Variants in NCKAP5 observed in about 807,000 individuals in gnomAD.
NCKAP5 encodes the protein nck-associated protein 5.
A neutral mutation model predicts 167.0 loss-of-function variants in NCKAP5; 92 were observed. The ratio of observed to expected loss-of-function variants is 0.55; its 90% CI spans 0.47 to 0.66. NCKAP5 has a LOEUF of 0.66. NCKAP5 is among the 30% of genes least tolerant of loss of function. The pLI, the probability that NCKAP5 is intolerant of heterozygous loss-of-function variation, is 0.00. For synonymous variants in NCKAP5, 891 were observed against 877.4 expected (o/e 1.02, Z -0.27); for missense variants, 2,378 against 2,315.0 (o/e 1.03, Z -0.56).
At chr2:133,636,672 C>G in the NCKAP5 span, among the ~76,000 whole-genome samples, 1 of 152,080 alleles carries the variant, frequency 6.6e-6, no homozygotes, top group Non-Finnish European at 1.5e-5. Flanking sequence ...AAGAGCCAAA[C>G]AACAAAACAA....
intron 3 of NCKAP5, among the ~76,000 whole-genome samples, chr2:133,421,874 C>T (rs1408965193): frequency 1.3e-5 from 2 of 152,196 alleles, no homozygotes; most frequent in East Asian, 3.8e-4. Flanking sequence ...CACTAAATCC[C>T]ACCCAGTGAT....
intron 4 of NCKAP5, among the ~76,000 whole-genome samples, chr2:133,222,162 CA>C (rs925788572): frequency 3.3e-5 from 5 of 151,836 alleles, no homozygotes; most frequent in African/African-American, 9.7e-5. Flanking sequence ...TTACACTCTG[CA>C]AAAAAATTAC....
chr2:132,783,251 T>G lies in NCKAP5; in HGVS notation c.3560A>C (p.Lys1187Thr). 2 of 1,614,006 alleles carry G rather than the reference T, an allele frequency of 1.2e-6. No individual in the cohort carries two copies. The highest frequency in any genetic ancestry group is 1.7e-6 in the Non-Finnish European group (2 of 1,179,902). ...EASKSSVAVN[K>T]SKPEDSKNPA... ...ATTCTTGGAGTCCTCTGGCTTAGAC[T>G]TGTTCACAGCCACGGAACTTTTGGA... The change falls in exon 14 of 20, where the codon AAG (lysine) becomes ACG (threonine). Residue 1187 changes from lysine to threonine, a missense_variant. Around this residue, in one of 3 missense-constraint regions of NCKAP5, gnomAD observed 1,325 missense variants for 1,274.5 expected, o/e 1.04. Coordinates refer to ENST00000409261, the MANE Select transcript of NCKAP5 (RefSeq NM_207363.3).
At chr2:133,123,821 C>CT (rs1559162488) in intron 6 of NCKAP5, 2 of 471,028 alleles carry the variant, frequency 4.2e-6, no homozygotes, top group Non-Finnish European at 8.8e-6. Context: ...AGAAAATGTT[C>CT]TTTTAATGTA....
intron 2 of NCKAP5, among the ~76,000 whole-genome samples, chr2:133,541,266 T>C (rs970493774): frequency 3.6e-5 from 5 of 138,540 alleles, no homozygotes; most frequent in Non-Finnish European, 8.2e-5. Context: ...AAACTTTTAA[T>C]TGAAAAATAT....
chr2:133,063,684 AT>A (rs2080088913), intron 6 of NCKAP5, among the ~76,000 whole-genome samples: 1 of 152,156 alleles, frequency 6.6e-6, no homozygotes, highest in South Asian at 2.1e-4. Flanking sequence ...ATTTGCCCTT[AT>A]ACCCAGGGAG....
chr2:132,755,358 T>C (rs967157963), intron 16 of NCKAP5, among the ~76,000 whole-genome samples: 1 of 152,330 alleles, frequency 6.6e-6, no homozygotes, highest in Non-Finnish European at 1.5e-5. Flanking sequence ...GTGAGGCTCA[T>C]GGCCAGGAAC....
At chr2:133,136,991 A>G (rs1165269707) in intron 5 of NCKAP5, among the ~76,000 whole-genome samples, 1 of 152,230 alleles carries the variant, frequency 6.6e-6, no homozygotes, top group Non-Finnish European at 1.5e-5. Context: ...AGCCAAACAC[A>G]TCAGCAGAAA....
At chr2:133,097,440 C>T (rs560096732) in intron 6 of NCKAP5, among the ~76,000 whole-genome samples, 6 of 152,290 alleles carry the variant, frequency 3.9e-5, no homozygotes, top group South Asian at 2.1e-4. Flanking sequence ...GTTATGCCAT[C>T]GCAATTTAGT....
At chr2:133,626,599 T>C in the NCKAP5 span, among the ~76,000 whole-genome samples, 2 of 152,102 alleles carry the variant, frequency 1.3e-5, no homozygotes, top group East Asian at 3.8e-4. Flanking sequence ...AAAAATTTTA[T>C]ATTATAAAGA....
At chr2:133,452,536 T>C (rs187752694) in intron 3 of NCKAP5, among the ~76,000 whole-genome samples, 31 of 152,298 alleles carry the variant, frequency 2.0e-4, no homozygotes, top group African/African-American at 6.3e-4. Flanking sequence ...CTAAGTGGCA[T>C]AGATGTAGGA....
intron 1 of NCKAP5, among the ~76,000 whole-genome samples, chr2:133,565,779 C>G (rs571814660): frequency 6.6e-6 from 1 of 152,356 alleles, no homozygotes; most frequent in South Asian, 2.1e-4. Flanking sequence ...CCAATCAGCA[C>G]AGTAATGTGG....
chr2:132,860,489 T>C lies in NCKAP5; in HGVS notation c.807+3A>G, dbSNP rs1426360250. The C allele has an allele frequency of 3.2e-6, 5 of 1,565,952 alleles. No individual in the cohort carries two copies. Among genetic ancestry groups the C allele is most frequent in the South Asian group, 1.2e-5 (1 of 85,076 alleles). ...AAAGATTGTTTTCCAGATAAACACA[T>C]ACCTGGAGGAGCAGATCAGAAGTGG... On this transcript the variant is annotated splice_donor_region_variant and intron_variant, in intron 11 of 19. Coordinates refer to ENST00000409261, the MANE Select transcript of NCKAP5 (RefSeq NM_207363.3).
chr2:132,787,976 C>T lies in NCKAP5; in HGVS notation c.1092+2047G>A, dbSNP rs377034152. Among the ~76,000 whole-genome samples, 27 of 152,234 alleles carry T rather than the reference C, an allele frequency of 1.8e-4. 1 individual carries two copies. Among genetic ancestry groups the T allele is most frequent in the African/African-American group, 5.3e-4 (22 of 41,540 alleles). ...CTGGAGCCTGCCAGGTGCTGCACTG[C>T]GACTTGCCCCAGAGCCAGTGGCTGC... On this transcript the variant is annotated intron_variant, in intron 13 of 19. Transcript: ENST00000409261.
At chr2:132,760,946 G>C (rs544050942) in intron 16 of NCKAP5, among the ~76,000 whole-genome samples, 5 of 152,266 alleles carry the variant, frequency 3.3e-5, no homozygotes, top group Non-Finnish European at 4.4e-5. Context: ...TTGAAGCTGG[G>C]GGATTTATGG....
intron 5 of NCKAP5, among the ~76,000 whole-genome samples, chr2:133,135,266 G>A (rs889228781): frequency 3.9e-5 from 6 of 152,182 alleles, no homozygotes; most frequent in South Asian, 4.1e-4. Flanking sequence ...GCTACCAGGC[G>A]AAGAGAGGGG....
At position 132,934,441 on chromosome 2, in the gene NCKAP5, C is replaced by A. The variant is rs377505927; in HGVS notation, c.579+29279G>T. Among the ~76,000 whole-genome samples the A allele has an allele frequency of 2.0e-4, 30 of 152,138 alleles. 1 individual carries two copies. The highest frequency in any genetic ancestry group is 6.7e-4 in the African/African-American group (28 of 41,508). ...TACAAAAACTAGCCTGACTTAGTGGCGGGTACCTGTAATCCCAGCTACTGG... is the reference window on the plus strand; with the variant it reads ...TACAAAAACTAGCCTGACTTAGTGGAGGGTACCTGTAATCCCAGCTACTGG... On this transcript the variant is annotated intron_variant, in intron 8 of 19. Transcript: ENST00000409261.
intron 3 of NCKAP5, among the ~76,000 whole-genome samples, chr2:133,514,261 C>A (rs1201257821): frequency 6.6e-6 from 1 of 152,130 alleles, no homozygotes; most frequent in Non-Finnish European, 1.5e-5. Context: ...TCACTTTCTC[C>A]TTTAAAAGGG....
At chr2:133,110,034 T>C (rs1395382656) in intron 6 of NCKAP5, among the ~76,000 whole-genome samples, 1 of 152,202 alleles carries the variant, frequency 6.6e-6, no homozygotes, top group Non-Finnish European at 1.5e-5. Flanking sequence ...CAAAGCACAT[T>C]ACTCATCATC....
Sources: gnomAD v4.1 joint callset for allele counts (sites outside exome capture counted in the v4.1 genomes callset) on GRCh38, gnomAD v4.1.1 for gene constraint, gnomAD v4.1.1 regional missense constraint, MANE v1.5 for transcripts, NCBI Gene and HGNC (gene_info 2026-07-23, HGNC 2026-07-21) for gene names.